MPHOSPH9: variants seen among roughly 807,000 people sequenced by gnomAD.
The protein encoded by MPHOSPH9 is M-phase phosphoprotein 9.
A neutral mutation model predicts 145.5 loss-of-function variants in MPHOSPH9; 88 were observed. The ratio of observed to expected loss-of-function variants is 0.60; its 90% CI spans 0.51 to 0.72. The LOEUF (loss-of-function observed/expected upper bound fraction) is 0.72, where lower values mean the gene tolerates loss of function less well. Ranked by LOEUF, MPHOSPH9 falls within the 30% of genes least tolerant of loss-of-function variation. The pLI, the probability that MPHOSPH9 is intolerant of heterozygous loss-of-function variation, is 0.00. For synonymous variants in MPHOSPH9, 435 were observed against 486.2 expected (o/e 0.89, Z 1.39); for missense variants, 1,238 against 1,386.6 (o/e 0.89, Z 1.70).
chr12:123,179,075 T>G (rs780073595), intron 15 of MPHOSPH9, among the ~76,000 whole-genome samples: 6 of 152,186 alleles, frequency 3.9e-5, no homozygotes, highest in Admixed American at 1.3e-4. Flanking sequence ...AAATACATAA[T>G]GTTTGGGAAA....
At chr12:123,186,320 T>A (rs1174167668) in intron 13 of MPHOSPH9, among the ~76,000 whole-genome samples, 2 of 151,698 alleles carry the variant, frequency 1.3e-5, no homozygotes, top group Non-Finnish European at 2.9e-5. Context: ...TAAATTATCA[T>A]AGTGTCTAAT....
chr12:123,242,689 C>T (rs1381785239), intron 1 of MPHOSPH9, among the ~76,000 whole-genome samples: 2 of 152,232 alleles, frequency 1.3e-5, no homozygotes, highest in Non-Finnish European at 2.9e-5. Context: ...GTGTGTCTGG[C>T]AGCTCTGAAC....
rs538156994 is a variant in MPHOSPH9, at chr12:123,176,957, G to A, written c.2355-168C>T. Among the ~76,000 whole-genome samples the A allele has an allele frequency of 7.9e-5, 12 of 151,110 alleles. No individual in the cohort carries two copies. In the South Asian group the frequency reaches 1.9e-3, roughly 24 times the overall value. The stretch of plus-strand genomic sequence containing the variant: ...CTGTAATCCCAGCACTTTGGGAGGC[G>A]GAGGCAGGTGGATCACAAGGTCAAG... On this transcript the variant is annotated intron_variant, in intron 15 of 23. Transcript: ENST00000606320.
intron 21 of MPHOSPH9, 42 bp downstream of exon 21, chr12:123,162,073 G>T: frequency 1.6e-6 from 2 of 1,252,552 alleles, no homozygotes; most frequent in South Asian, 1.5e-5. Flanking sequence ...CTCAAAAAAT[G>T]AATGATTAAA....
intron 16 of MPHOSPH9, among the ~76,000 whole-genome samples, chr12:123,175,553 T>C (rs79652218): frequency 0.053 from 7,993 of 152,162 alleles, 342 homozygotes; most frequent in East Asian, 0.27. Context: ...CAGGCCACAC[T>C]AACCTCCCTT....
rs1298478921 is a variant in MPHOSPH9, at chr12:123,209,476, G to A, written c.1194+580C>T. ...AGCTGGAGTGCAATGGCACAATCTC[G>A]GTTCAGTGCAACCTCCACCTCCCAG... On this transcript the variant is annotated intron_variant, in intron 8 of 23. Coordinates refer to ENST00000606320, the MANE Select transcript of MPHOSPH9 (RefSeq NM_022782.4). Among the ~76,000 whole-genome samples, 3 of 151,764 alleles carry A rather than the reference G, an allele frequency of 2.0e-5. No individual in the cohort carries two copies. The East Asian group carries it at 5.8e-4, about 30-fold the overall frequency.
chr12:123,226,521 CTTTT>C (rs200868180), intron 3 of MPHOSPH9, among the ~76,000 whole-genome samples: 2 of 145,008 alleles, frequency 1.4e-5, no homozygotes, highest in Admixed American at 6.9e-5. Flanking sequence ...TTTATATATA[CTTTT>C]TTTTTTTTTT....
intron 13 of MPHOSPH9, among the ~76,000 whole-genome samples, chr12:123,184,688 C>T (rs1790135): frequency 0.59 from 90,104 of 151,762 alleles, 31,122 homozygotes; most frequent in Non-Finnish European, 0.75. Flanking sequence ...TTAGTAGAGA[C>T]GGGGTTTCAC....
chr12:123,185,335 A>T (rs966894836), intron 13 of MPHOSPH9, among the ~76,000 whole-genome samples: 5 of 152,088 alleles, frequency 3.3e-5, no homozygotes, highest in Admixed American at 3.3e-4. Flanking sequence ...AACTAAAAAA[A>T]AAAAAAATAT....
At chr12:123,198,406 C>A in intron 11 of MPHOSPH9, 72 bp from the exon 12 acceptor site, 1 of 1,203,528 alleles carries the variant, frequency 8.3e-7, no homozygotes, top group Non-Finnish European at 1.2e-6. Flanking sequence ...TAAATCTAAC[C>A]AATTCTCTAA....
At position 123,165,303 on chromosome 12, in the gene MPHOSPH9, A is replaced by C. The variant is rs1267209731; in HGVS notation, c.2766T>G (p.Asn922Lys). ...TATCTCAAACAAGGAAATACTCACTATTTGAGGTGTCCTCTTTCTCTGTCT... is the reference window on the plus strand; with the variant it reads ...TATCTCAAACAAGGAAATACTCACTCTTTGAGGTGTCCTCTTTCTCTGTCT... ...GTQTEKEDTS[N>K]INPRQTETSV... The change falls in exon 18 of 24, where the codon AAT becomes AAG. Residue 922 changes from asparagine (N) to lysine (K), a missense_variant and splice_region_variant. Physicochemically the swap from Asn to Lys is moderately conservative, Grantham distance 94. Coordinates refer to ENST00000606320, the MANE Select transcript of MPHOSPH9 (RefSeq NM_022782.4). 4 of 1,611,792 alleles carry C rather than the reference A, an allele frequency of 2.5e-6. No homozygotes were observed. The highest frequency in any genetic ancestry group is 3.4e-6 in the Non-Finnish European group (4 of 1,178,388).
chr12:123,223,331 G>A (rs961335214), intron 3 of MPHOSPH9, among the ~76,000 whole-genome samples: 1 of 151,960 alleles, frequency 6.6e-6, no homozygotes, highest in Admixed American at 6.6e-5. Flanking sequence ...TCAGCCTCAA[G>A]GCTGGGAAAC....
At chr12:123,161,025 T>TATA (rs2044083342) in intron 22 of MPHOSPH9, 111 bp downstream of exon 22, 1 of 1,403,890 alleles carries the variant, frequency 7.1e-7, no homozygotes, top group African/African-American at 1.4e-5. Context: ...AGCTCTGGTA[T>TATA]GTTATCCCAT....
intron 16 of MPHOSPH9, among the ~76,000 whole-genome samples, chr12:123,172,944 C>T (rs906496153): frequency 8.5e-6 from 1 of 118,124 alleles, no homozygotes. Flanking sequence ...TGCAGTGGTG[C>T]GATCTTGGCT....
At position 123,198,299 on chromosome 12, in the gene MPHOSPH9, G is replaced by C. The variant is rs2046063727; in HGVS notation, c.1973C>G (p.Thr658Ser). ...ATTTTCAAGTGTTCTCACGCGACTA[G>C]TAGCTTCATGCAAAGCACTATCTAA... ...GQLDSALHEATSRVRTLENKN... is the reference protein window; with the variant it reads ...GQLDSALHEASSRVRTLENKN... Residue 658 changes from threonine to serine, a missense_variant, in exon 12 of 24, where the codon ACT becomes AGT. Physicochemically the swap from Thr to Ser is moderately conservative, Grantham distance 58 (BLOSUM62 1). This residue lies in a region of MPHOSPH9 where 837 missense variants were observed against 897.5 expected (regional missense o/e 0.93). Coordinates refer to ENST00000606320, the MANE Select transcript of MPHOSPH9 (RefSeq NM_022782.4). 2 of 1,612,336 alleles carry C rather than the reference G, an allele frequency of 1.2e-6. No individual in the cohort carries two copies. Among genetic ancestry groups the C allele is most frequent in the South Asian group, 2.2e-5 (2 of 90,810 alleles).
At chr12:123,163,818 C>A in intron 19 of MPHOSPH9, 132 bp downstream of exon 19, 1 of 935,736 alleles carries the variant, frequency 1.1e-6, no homozygotes, top group East Asian at 2.6e-5. Context: ...ATTTAGGGGT[C>A]CTCTGCTCAG....
chr12:123,182,256 T>TTG (rs1279708323), intron 13 of MPHOSPH9, among the ~76,000 whole-genome samples: 2 of 69,978 alleles, frequency 2.9e-5, no homozygotes, highest in Non-Finnish European at 8.3e-5. Context: ...TGTGTTTTTT[T>TTG]TTTTGTTTTT....
upstream of MPHOSPH9, chr12:123,233,802 T>A (rs1055011523): frequency 6.6e-6 from 1 of 152,648 alleles, no homozygotes; most frequent in African/African-American, 2.4e-5. Flanking sequence ...GAGACTACCG[T>A]CCTGGAGATA....
At chr12:123,217,724 C>T (rs1367188991) in intron 6 of MPHOSPH9, among the ~76,000 whole-genome samples, 1 of 151,964 alleles carries the variant, frequency 6.6e-6, no homozygotes, top group Non-Finnish European at 1.5e-5. Flanking sequence ...ATCATTATTT[C>T]TAATCCTCTG....
Sources: gnomAD v4.1 joint callset for allele counts (sites outside exome capture counted in the v4.1 genomes callset) on GRCh38, gnomAD v4.1.1 for gene constraint, gnomAD v4.1.1 regional missense constraint, MANE v1.5 for transcripts, NCBI Gene and HGNC (gene_info 2026-07-23, HGNC 2026-07-21) for gene names.